The following SSMEM1 variants were observed in gnomAD, a reference collection of about 807,000 sequenced individuals.
SSMEM1 encodes serine rich single-pass membrane protein 1.
SSMEM1 carries 12 observed loss-of-function variants against 9.9 expected under a neutral mutation model. The ratio of observed to expected loss-of-function variants is 1.21; its 90% CI spans 0.78 to 1.96. The LOEUF (loss-of-function observed/expected upper bound fraction) is 1.96, where lower values mean the gene tolerates loss of function less well. Ranked by LOEUF, SSMEM1 falls within the 30% of genes most tolerant of loss-of-function variation. The pLI, the probability that SSMEM1 is intolerant of heterozygous loss-of-function variation, is 0.00. For missense variants in SSMEM1, 259 were observed against 292.2 expected, an observed-to-expected ratio of 0.89 and a Z score of 0.83; for synonymous variants, 96 against 98.9, an observed-to-expected ratio of 0.97 and a Z score of 0.17.
chr7:130,205,712 T>A (rs369270937), upstream of SSMEM1, among the ~76,000 whole-genome samples: 1 of 152,198 alleles, frequency 6.6e-6, no homozygotes, highest in African/African-American at 2.4e-5. Context: ...TGGACTCACA[T>A]GTGTAAACTG....
chr7:130,206,622 C>G (rs907652496), upstream of SSMEM1, among the ~76,000 whole-genome samples: 1 of 152,204 alleles, frequency 6.6e-6, no homozygotes, highest in African/African-American at 2.4e-5. Flanking sequence ...TGTTGTTTTG[C>G]TCTAGTTTTA....
In SSMEM1 at chr7:130,216,272, A is replaced by G; in HGVS notation, c.537A>G (p.Arg179=). The change falls in exon 3 of 3, where the codon AGA becomes AGG. Residue 179 remains arginine, a synonymous_variant. Transcript: ENST00000297819. Reference sequence around the variant, plus strand: ...CATCACCAGACAGTATTAAGAGGAGAAAAATGGCTCAGAGGCAAAGGAATC... The same window carrying G: ...CATCACCAGACAGTATTAAGAGGAGGAAAATGGCTCAGAGGCAAAGGAATC... ...HHPSPDSIKR[R]KMAQRQRNLG... The G allele has an allele frequency of 6.2e-7, 1 of 1,614,176 alleles. No individual in the cohort carries two copies. Among genetic ancestry groups the G allele is most frequent in the Non-Finnish European group, 8.5e-7 (1 of 1,180,030 alleles).
chr7:130,205,558 C>T (rs1798431683), upstream of SSMEM1: 1 of 880,496 alleles, frequency 1.1e-6, no homozygotes, highest in South Asian at 1.5e-5. Flanking sequence ...AAACAGGTCT[C>T]GGTTTTGCGG....
rs1442111064 is a variant in SSMEM1 at position 130,207,882 on chromosome 7, A to G, written c.-29A>G. On this transcript the variant is annotated 5_prime_UTR_variant, in exon 1 of 3. It removes an upstream start codon present in the reference 5' UTR. Transcript: ENST00000297819. ...CCCAGTCATCTTTATCCCTTTAAGC[A>G]TGGTTTATTTTCTGAGCAAGGAGTC... The G allele has an allele frequency of 6.2e-7, 1 of 1,610,834 alleles. No homozygotes were observed. Among genetic ancestry groups the G allele is most frequent in the Non-Finnish European group, 8.5e-7 (1 of 1,178,266 alleles).
At chr7:130,206,504 T>C (rs539455084), upstream of SSMEM1, among the ~76,000 whole-genome samples, 30 of 152,162 alleles carry the variant, frequency 2.0e-4, no homozygotes, top group Admixed American at 1.9e-3. Context: ...CCTAAAATGA[T>C]CCTAAGATTA....
chr7:130,216,514 T>A lies in SSMEM1; in HGVS notation c.*44T>A. 6.3e-7 allele frequency: 1 copy of A among 1,579,658 alleles called. No individual in the cohort carries two copies. The highest frequency in any genetic ancestry group is 8.6e-7 in the Non-Finnish European group (1 of 1,162,934). On this transcript the variant is annotated 3_prime_UTR_variant, in exon 3 of 3. Transcript: ENST00000297819. Reference sequence around the variant, plus strand: ...TTCACTTGAAGCCAAATGAAAGAGATGAATAAAACATGAAAAATCACCAGA... The same window carrying A: ...TTCACTTGAAGCCAAATGAAAGAGAAGAATAAAACATGAAAAATCACCAGA...
chr7:130,216,691 T>C lies in SSMEM1; in HGVS notation c.*221T>C. 2 of 553,480 alleles carry C rather than the reference T, an allele frequency of 3.6e-6. No individual in the cohort carries two copies. The highest frequency in any genetic ancestry group is 2.5e-5 in the South Asian group (1 of 40,526). 34.3% of individuals were successfully genotyped at this position (553,480 alleles called of 1,614,324 possible). Reference sequence around the variant, plus strand: ...GCACCATTGGAACACCAAAGATCTATATCTGCTATGATTTTTTTATTTGAA... The same window carrying C: ...GCACCATTGGAACACCAAAGATCTACATCTGCTATGATTTTTTTATTTGAA... On this transcript the variant is annotated 3_prime_UTR_variant, in exon 3 of 3. Coordinates refer to ENST00000297819, the MANE Select transcript of SSMEM1 (RefSeq NM_145268.4).
intron 1 of SSMEM1, among the ~76,000 whole-genome samples, chr7:130,210,653 T>C (rs1025425745): frequency 1.3e-5 from 2 of 152,354 alleles, no homozygotes; most frequent in South Asian, 2.1e-4. Context: ...TCAAGAGTTG[T>C]TAGTGGCAGA....
chr7:130,205,529 G>T, upstream of SSMEM1: 10 of 1,216,002 alleles, frequency 8.2e-6, no homozygotes, highest in South Asian at 1.2e-5. Context: ...AGGCCCAGGC[G>T]CTCGGAGCGT....
chr7:130,216,250 C>T lies in SSMEM1; in HGVS notation c.515C>T (p.Ser172Leu). 6.2e-7 allele frequency: 1 copy of T among 1,614,184 alleles called. No homozygotes were observed. Among genetic ancestry groups the T allele is most frequent in the South Asian group, 1.1e-5 (1 of 91,080 alleles). ...WKESESEHHP[S>L]PDSIKRRKMA... is the part of the protein sequence containing the mutation. Reference sequence around the variant, plus strand: ...GAGAGTGAAAGTGAACACCACCCATCACCAGACAGTATTAAGAGGAGAAAA... The same window carrying T: ...GAGAGTGAAAGTGAACACCACCCATTACCAGACAGTATTAAGAGGAGAAAA... The change falls in exon 3 of 3, where the codon TCA (serine) becomes TTA (leucine). Residue 172 changes from serine to leucine, a missense_variant. Ser to Leu is a moderately radical substitution (Grantham distance 145, BLOSUM62 -2). Coordinates refer to ENST00000297819, the MANE Select transcript of SSMEM1 (RefSeq NM_145268.4).
chr7:130,213,107 G>A lies in SSMEM1; in HGVS notation c.184-373G>A, dbSNP rs372554509. Among the ~76,000 whole-genome samples, 179 of 152,192 alleles carry A rather than the reference G, an allele frequency of 1.2e-3. 5 individuals are homozygous for A. In the South Asian group the frequency reaches 0.034, roughly 29 times the overall value. ...TCATACCTGTAATCCCAGCACTTTC[G>A]GAGGCCAAGGTGGGCAGATCACTTG... On this transcript the variant is annotated intron_variant, in intron 1 of 2. Coordinates refer to ENST00000297819, the MANE Select transcript of SSMEM1 (RefSeq NM_145268.4).
chr7:130,205,438 A>G (rs1405730393), upstream of SSMEM1: 1 of 1,612,312 alleles, frequency 6.2e-7, no homozygotes, highest in Non-Finnish European at 8.5e-7. Context: ...AGCCAAGCTC[A>G]AGCGGGAGGC....
chr7:130,206,160 T>C (rs763299012), upstream of SSMEM1, among the ~76,000 whole-genome samples: 9 of 152,214 alleles, frequency 5.9e-5, no homozygotes, highest in Admixed American at 1.3e-4. Context: ...TTTGTTTTAT[T>C]TAGCACAAAT....
At chr7:130,207,363 T>A (rs181804947), upstream of SSMEM1, among the ~76,000 whole-genome samples, 7 of 152,344 alleles carry the variant, frequency 4.6e-5, no homozygotes, top group Admixed American at 3.9e-4. Context: ...ATTTCTGTGC[T>A]CGTGAATCCT....
chr7:130,208,298 A>T (rs1798527803), intron 1 of SSMEM1, among the ~76,000 whole-genome samples: 1 of 152,224 alleles, frequency 6.6e-6, no homozygotes, highest in Non-Finnish European at 1.5e-5. Flanking sequence ...TTTCCCAGAG[A>T]TAACCACTGT....
chr7:130,215,218 C>A (rs934777941), intron 2 of SSMEM1, among the ~76,000 whole-genome samples: 2 of 152,108 alleles, frequency 1.3e-5, no homozygotes, highest in Non-Finnish European at 2.9e-5. Flanking sequence ...GCAGGAGGAT[C>A]ACTTGAACCT....
chr7:130,206,153 G>C (rs1444219654), upstream of SSMEM1, among the ~76,000 whole-genome samples: 1 of 152,174 alleles, frequency 6.6e-6, no homozygotes, highest in Non-Finnish European at 1.5e-5. Context: ...GTTGAGCTTT[G>C]TTTTATTTAG....
Position 130,208,092 on chromosome 7 carries a change from G to A in SSMEM1, c.182G>A (p.Trp61Ter). 6.3e-7 allele frequency: 1 copy of A among 1,596,232 alleles called. No homozygotes were observed. The highest frequency in any genetic ancestry group is 8.5e-7 in the Non-Finnish European group (1 of 1,174,678). Residue 61 changes from tryptophan to a stop codon, truncating the protein, a stop_gained and splice_region_variant, in exon 1 of 3, where the codon TGG (tryptophan) becomes TAG (stop). Transcript: ENST00000297819. LOFTEE classifies it high-confidence loss of function. ...ATGTTCTTCTCTAGGGCTTCTGTCT[G>A]GGTAGGATATCTTTTTTTCATTTTA... ...VLMFFSRASV[W>*]MSEDKKDEGS...
chr7:130,209,675 G>T (rs1798555869), intron 1 of SSMEM1, among the ~76,000 whole-genome samples: 1 of 152,170 alleles, frequency 6.6e-6, no homozygotes, highest in Non-Finnish European at 1.5e-5. Flanking sequence ...AGCCTCCTGG[G>T]TTCCAGTGAT....
Sources: allele counts gnomAD v4.1 joint callset (sites outside exome capture counted in the v4.1 genomes callset), GRCh38; gene constraint gnomAD v4.1.1; transcripts MANE v1.5; gene names NCBI Gene and HGNC (gene_info 2026-07-23, HGNC 2026-07-21).